SYNPR: variants seen among roughly 807,000 people sequenced by gnomAD.
The protein encoded by SYNPR is synaptoporin.
In SYNPR, 23 loss-of-function variants were observed where a neutral mutation model predicts 32.9. The observed-to-expected ratio is 0.70, with a 90% confidence interval of 0.50 to 0.99. The LOEUF is 0.99. Ranked by LOEUF, SYNPR falls within the 50% of genes least tolerant of loss-of-function variation. The pLI is 0.00. For missense variants in SYNPR, 318 were observed against 349.3 expected (o/e 0.91, Z 0.71); for synonymous variants, 146 against 135.9 (o/e 1.07, Z -0.52).
intron 4 of SYNPR, among the ~76,000 whole-genome samples, chr3:63,565,885 T>C (rs1019296249): frequency 2.0e-5 from 3 of 152,194 alleles, no homozygotes; most frequent in African/African-American, 7.2e-5. Flanking sequence ...TGCTAGCTTT[T>C]GGCTGTCATA....
intron 1 of SYNPR, among the ~76,000 whole-genome samples, chr3:63,230,286 T>C (rs2086157137): frequency 6.6e-6 from 1 of 152,186 alleles, no homozygotes; most frequent in Non-Finnish European, 1.5e-5. Flanking sequence ...TTTTTAGATA[T>C]TTGCTATTTA....
At chr3:63,357,006 C>T (rs961773723) in intron 2 of SYNPR, among the ~76,000 whole-genome samples, 4 of 152,186 alleles carry the variant, frequency 2.6e-5, no homozygotes, top group Non-Finnish European at 2.9e-5. Context: ...CCTTCCATTC[C>T]TCACATGAAA....
At chr3:63,367,658 C>T (rs1264901168) in intron 2 of SYNPR, among the ~76,000 whole-genome samples, 1 of 152,036 alleles carries the variant, frequency 6.6e-6, no homozygotes, top group Non-Finnish European at 1.5e-5. Flanking sequence ...TTGCATCTGG[C>T]CTTGAATTAT....
intron 2 of SYNPR, among the ~76,000 whole-genome samples, chr3:63,316,527 T>C (rs935511773): frequency 1.3e-5 from 2 of 152,046 alleles, no homozygotes; most frequent in African/African-American, 2.4e-5. Flanking sequence ...GGCGTAAAGG[T>C]GTTCATAGTG....
chr3:63,521,435 G>C (rs1438614185), intron 3 of SYNPR, among the ~76,000 whole-genome samples: 1 of 152,204 alleles, frequency 6.6e-6, no homozygotes. Context: ...TGCGTGCTGA[G>C]TACCAGGCAC....
At chr3:63,600,680 C>A (rs905053622) in intron 4 of SYNPR, among the ~76,000 whole-genome samples, 3 of 152,088 alleles carry the variant, frequency 2.0e-5, no homozygotes, top group Non-Finnish European at 2.9e-5. Context: ...GTTTTATAAG[C>A]AACTGGCATT....
At chr3:63,265,238 A>ATTTTTTTTTTTT (rs1560172997) in intron 2 of SYNPR, among the ~76,000 whole-genome samples, 4 of 87,884 alleles carry the variant, frequency 4.6e-5, no homozygotes, top group Admixed American at 1.4e-4. Flanking sequence ...TTCTAATGAC[A>ATTTTTTTTTTTT]TTCTTTTTTT....
chr3:63,524,377 G>A (rs1701967150), intron 3 of SYNPR, among the ~76,000 whole-genome samples: 1 of 152,288 alleles, frequency 6.6e-6, no homozygotes, highest in South Asian at 2.1e-4. Flanking sequence ...TGCAGGGCAT[G>A]TGCTACCCAT....
intron 2 of SYNPR, among the ~76,000 whole-genome samples, chr3:63,339,567 T>C (rs750733548): frequency 5.9e-5 from 9 of 152,174 alleles, no homozygotes; most frequent in Non-Finnish European, 1.3e-4. Context: ...CACATGTGTG[T>C]GTGTATTTAG....
At chr3:63,335,369 A>C (rs1488036479) in intron 2 of SYNPR, among the ~76,000 whole-genome samples, 1 of 151,860 alleles carries the variant, frequency 6.6e-6, no homozygotes, top group Non-Finnish European at 1.5e-5. Flanking sequence ...AAAAAAAAAA[A>C]AAAAATGGCA....
intron 4 of SYNPR, among the ~76,000 whole-genome samples, chr3:63,566,193 T>A (rs1359578965): frequency 6.6e-6 from 1 of 152,162 alleles, no homozygotes; most frequent in African/African-American, 2.4e-5. Flanking sequence ...CCTAGCAACT[T>A]GGGCACTAGT....
intron 3 of SYNPR, among the ~76,000 whole-genome samples, chr3:63,494,999 A>C (rs1701345394): frequency 6.6e-6 from 1 of 152,182 alleles, no homozygotes; most frequent in Non-Finnish European, 1.5e-5. Flanking sequence ...TGGGACTCAG[A>C]ATCACTGGCA....
intron 3 of SYNPR, among the ~76,000 whole-genome samples, chr3:63,485,098 T>C (rs1040757587): frequency 1.3e-5 from 2 of 151,996 alleles, no homozygotes; most frequent in Admixed American, 6.6e-5. Context: ...CTATATAAGA[T>C]GAGAGAGGTG....
intron 4 of SYNPR, among the ~76,000 whole-genome samples, chr3:63,605,353 G>C (rs1018754661): frequency 6.6e-6 from 1 of 152,150 alleles, no homozygotes. Flanking sequence ...ACAGGAATTT[G>C]CCCTTCTACA....
At chr3:63,520,122 T>G (rs1182456575) in intron 3 of SYNPR, among the ~76,000 whole-genome samples, 2 of 152,218 alleles carry the variant, frequency 1.3e-5, no homozygotes. Flanking sequence ...CAGCATAATT[T>G]TAATATGTGA....
At chr3:63,225,237 T>C (rs1002017760), upstream of SYNPR, among the ~76,000 whole-genome samples, 3 of 152,180 alleles carry the variant, frequency 2.0e-5, no homozygotes, top group Non-Finnish European at 1.5e-5. Context: ...ATAAGTGTCA[T>C]TGGTTTAGTA....
chr3:63,383,005 G>A (rs1352973507), intron 2 of SYNPR, among the ~76,000 whole-genome samples: 1 of 152,080 alleles, frequency 6.6e-6, no homozygotes, highest in Non-Finnish European at 1.5e-5. Context: ...TTTACTTCAG[G>A]TTTAATTCTT....
chr3:63,300,387 T>A (rs1409756580), intron 2 of SYNPR, among the ~76,000 whole-genome samples: 1 of 148,252 alleles, frequency 6.7e-6, no homozygotes, highest in East Asian at 1.9e-4. Context: ...TAGTGCCACA[T>A]ACTTTGTTTA....
chr3:63,482,402 C>T (rs1701066510), intron 3 of SYNPR, among the ~76,000 whole-genome samples: 1 of 152,110 alleles, frequency 6.6e-6, no homozygotes, highest in African/African-American at 2.4e-5. Context: ...CACTCAGAAG[C>T]TCCATGTATA....
Sources: gnomAD v4.1 joint callset for allele counts (sites outside exome capture counted in the v4.1 genomes callset) on GRCh38, gnomAD v4.1.1 for gene constraint, MANE v1.5 for transcripts, NCBI Gene and HGNC (gene_info 2026-07-23, HGNC 2026-07-21) for gene names.